Variants in CDYL2 observed in about 807,000 individuals in gnomAD.
CDYL2 encodes chromodomain Y like 2.
Under a neutral mutation model 49.4 loss-of-function variants are expected in CDYL2, and 23 were observed. That is an observed-to-expected ratio of 0.47 (90% CI 0.34 to 0.66). The LOEUF (loss-of-function observed/expected upper bound fraction) is 0.66, where lower values mean the gene tolerates loss of function less well. Ranked by LOEUF, CDYL2 falls within the 30% of genes least tolerant of loss-of-function variation. The pLI, the probability that CDYL2 is intolerant of heterozygous loss-of-function variation, is 0.01. For missense variants in CDYL2, 678 were observed against 656.4 expected (o/e 1.03, Z -0.36); for synonymous variants, 360 against 268.8 (o/e 1.34, Z -3.32).
At chr16:80,776,929 T>C (rs1345759020) in intron 1 of CDYL2, among the ~76,000 whole-genome samples, 1 of 151,834 alleles carries the variant, frequency 6.6e-6, no homozygotes, top group Non-Finnish European at 1.5e-5. Flanking sequence ...GCCATTCTCC[T>C]GCCTCGGCCT....
At chr16:80,756,715 C>T (rs1906322615) in intron 1 of CDYL2, among the ~76,000 whole-genome samples, 1 of 152,024 alleles carries the variant, frequency 6.6e-6, no homozygotes, top group Admixed American at 6.5e-5. Context: ...AAACCACAGT[C>T]CAGTGTCACT....
In CDYL2 at chr16:80,602,690, T is replaced by TG. The variant is rs1906144010; in HGVS notation, c.*1697_*1698insC. ...CACTTCTTGCTGCCTTATTCCACTC[T>TG]CTTCAAAGAAGGGCCAAGAAAGGCT... On this transcript the variant is annotated 3_prime_UTR_variant, in exon 7 of 7. Transcript: ENST00000570137. 6.6e-6 allele frequency: 1 copy of TG among 151,908 alleles called. No individual in the cohort carries two copies. Among genetic ancestry groups the TG allele is most frequent in the Non-Finnish European group, 1.5e-5 (1 of 68,082 alleles). The allele number at this position is 151,908 out of a possible 1,614,324, so 9.4% of individuals were successfully genotyped here. A position where few individuals can be genotyped will look rare whatever the true frequency, so the allele number is the denominator to read the frequency against.
At chr16:80,777,089 T>C (rs913802028) in intron 1 of CDYL2, among the ~76,000 whole-genome samples, 3 of 152,124 alleles carry the variant, frequency 2.0e-5, no homozygotes, top group Non-Finnish European at 4.4e-5. Flanking sequence ...CCCAAAGTGC[T>C]AGGATTACAG....
At chr16:80,691,276 T>C (rs1597177396) in intron 1 of CDYL2, among the ~76,000 whole-genome samples, 3 of 152,184 alleles carry the variant, frequency 2.0e-5, no homozygotes, top group Admixed American at 1.3e-4. Context: ...ACTTGGGGTA[T>C]GAAGTCCTCA....
At chr16:80,649,362 A>T (rs1468078010) in intron 2 of CDYL2, among the ~76,000 whole-genome samples, 1 of 152,148 alleles carries the variant, frequency 6.6e-6, no homozygotes, top group Non-Finnish European at 1.5e-5. Context: ...TGAAAAAGAA[A>T]TTAAAAAGTT....
At chr16:80,620,644 A>G in intron 4 of CDYL2, 119 bp downstream of exon 4, 1 of 951,818 alleles carries the variant, frequency 1.1e-6, no homozygotes, top group Non-Finnish European at 1.5e-6. Context: ...CACAGGATAT[A>G]CTTATGCTAA....
chr16:80,617,105 G>A (rs928534693), intron 4 of CDYL2, among the ~76,000 whole-genome samples: 1 of 152,218 alleles, frequency 6.6e-6, no homozygotes, highest in South Asian at 2.1e-4. Context: ...ATGGATCCTG[G>A]AGAGAGCCTT....
At chr16:80,729,418 G>C (rs532320425) in intron 1 of CDYL2, among the ~76,000 whole-genome samples, 1 of 152,250 alleles carries the variant, frequency 6.6e-6, no homozygotes, top group South Asian at 2.1e-4. Flanking sequence ...AAATATATAC[G>C]CATCCAATAC....
At chr16:80,776,970 G>A (rs892324269) in intron 1 of CDYL2, among the ~76,000 whole-genome samples, 13 of 151,654 alleles carry the variant, frequency 8.6e-5, no homozygotes, top group South Asian at 4.2e-4. Context: ...GGCGCACGCT[G>A]CCACGCCCGG....
chr16:80,770,997 G>A (rs879265948), intron 1 of CDYL2, among the ~76,000 whole-genome samples: 5 of 152,174 alleles, frequency 3.3e-5, no homozygotes, highest in Non-Finnish European at 7.4e-5. Flanking sequence ...ATCCCACTGG[G>A]ACCCCAAAAG....
rs1280125741 is a variant in CDYL2 at position 80,600,301 on chromosome 16, T to C, written c.*4087A>G. On this transcript the variant is annotated 3_prime_UTR_variant, in exon 7 of 7. Coordinates refer to ENST00000570137, the MANE Select transcript of CDYL2 (RefSeq NM_152342.4). ...TTTTCAAAAGAACAAGTGATATTAA[T>C]GAAAAATATTGCCTAAAACGCATAT... 1 of 152,158 alleles carries C rather than the reference T, an allele frequency of 6.6e-6. No individual in the cohort carries two copies. The highest frequency in any genetic ancestry group is 1.5e-5 in the Non-Finnish European group (1 of 68,022). 9.4% of individuals were successfully genotyped at this position (152,158 alleles called of 1,614,324 possible).
At chr16:80,693,323 T>C (rs116318411) in intron 1 of CDYL2, among the ~76,000 whole-genome samples, 7 of 151,820 alleles carry the variant, frequency 4.6e-5, no homozygotes, top group South Asian at 2.1e-4. Context: ...ACAAAACACA[T>C]AGAAATAAAA....
intron 1 of CDYL2, among the ~76,000 whole-genome samples, chr16:80,799,042 T>C (rs989078383): frequency 1.3e-5 from 2 of 151,900 alleles, no homozygotes; most frequent in African/African-American, 2.4e-5. Flanking sequence ...GATATATAGA[T>C]ATTTAAGTGA....
At chr16:80,722,207 G>T (rs1292230102) in intron 1 of CDYL2, among the ~76,000 whole-genome samples, 1 of 151,926 alleles carries the variant, frequency 6.6e-6, no homozygotes, top group Non-Finnish European at 1.5e-5. Flanking sequence ...AAAAAAAGAA[G>T]AAAATGAATA....
intron 1 of CDYL2, among the ~76,000 whole-genome samples, chr16:80,715,302 G>A (rs1435244213): frequency 6.6e-5 from 10 of 152,088 alleles, no homozygotes; most frequent in East Asian, 1.9e-4. Flanking sequence ...TGTGGGACCC[G>A]GAGTCATGAT....
chr16:80,718,046 G>A (rs1597096452), intron 1 of CDYL2, among the ~76,000 whole-genome samples: 1 of 152,182 alleles, frequency 6.6e-6, no homozygotes, highest in Non-Finnish European at 1.5e-5. Context: ...ACAAACCCAG[G>A]AGGGGCTATT....
At chr16:80,789,431 C>A (rs1464861025) in intron 1 of CDYL2, among the ~76,000 whole-genome samples, 5 of 152,090 alleles carry the variant, frequency 3.3e-5, no homozygotes, top group Non-Finnish European at 5.9e-5. Flanking sequence ...GAAACCCCAT[C>A]TCTACTAAAA....
rs1001402508 is a variant in CDYL2 at position 80,766,285 on chromosome 16, A to G, written c.24+37865T>C. On this transcript the variant is annotated intron_variant, in intron 1 of 6. Coordinates refer to ENST00000570137, the MANE Select transcript of CDYL2 (RefSeq NM_152342.4). The stretch of plus-strand genomic sequence containing the variant: ...CATCTCAATACAACTTTTATTGACA[A>G]AAAAAAAGAGAAGGTTCACAAAGAA... Among the ~76,000 whole-genome samples the G allele has an allele frequency of 4.0e-5, 6 of 149,568 alleles. 1 individual carries two copies. The highest frequency in any genetic ancestry group is 4.0e-4 in the Admixed American group (6 of 15,166).
intron 4 of CDYL2, among the ~76,000 whole-genome samples, chr16:80,620,351 A>T (rs946249933): frequency 6.6e-6 from 1 of 152,188 alleles, no homozygotes; most frequent in African/African-American, 2.4e-5. Context: ...GAGCTACGGC[A>T]GTGCTGGGAC....
Sources: gnomAD v4.1 joint callset for allele counts (sites outside exome capture counted in the v4.1 genomes callset) on GRCh38, gnomAD v4.1.1 for gene constraint, MANE v1.5 for transcripts, NCBI Gene and HGNC (gene_info 2026-07-23, HGNC 2026-07-21) for gene names.